ATP2A3: variants seen among roughly 807,000 people sequenced by gnomAD.
The protein encoded by ATP2A3 is sarcoplasmic/endoplasmic reticulum calcium ATPase 3.
A neutral mutation model predicts 106.8 loss-of-function variants in ATP2A3; 61 were observed. The observed-to-expected ratio is 0.57, with a 90% CI of 0.46 to 0.71. ATP2A3 has a LOEUF of 0.71. Ranked by LOEUF, ATP2A3 falls within the 30% of genes least tolerant of loss-of-function variation. The pLI is 0.00. For missense variants in ATP2A3, 1,201 were observed against 1,423.5 expected (o/e 0.84, Z 2.52); for synonymous variants, 611 against 609.3 (o/e 1.00, Z -0.04).
intron 5 of ATP2A3, 48 bp from the exon 6 acceptor site, chr17:3,950,821 G>A: frequency 6.3e-7 from 1 of 1,574,932 alleles, no homozygotes; most frequent in South Asian, 1.1e-5. Flanking sequence ...GGCACCACCA[G>A]CTGGGAAAAG....
At position 3,925,586 on chromosome 17, in the gene ATP2A3, C is replaced by T. The variant is rs1384133637; in HGVS notation, c.2981-145G>A. 11 of 1,018,912 alleles carry T rather than the reference C, an allele frequency of 1.1e-5. No homozygotes were observed. 63.1% of individuals were successfully genotyped at this position (1,018,912 alleles called of 1,614,324 possible). ...TCCCTTAGTCCAGACCTCAGTCTACCCCAGCCCCACCGGACCCCCCAAGCT... is the reference window on the plus strand; with the variant it reads ...TCCCTTAGTCCAGACCTCAGTCTACTCCAGCCCCACCGGACCCCCCAAGCT... On this transcript the variant is annotated intron_variant, in intron 20 of 20. Transcript: ENST00000397041. The surrounding 1 kb of genome is among the most constrained non-coding windows in gnomAD (Gnocchi z 4.2).
intron 10 of ATP2A3, 148 bp from the exon 11 acceptor site, chr17:3,943,670 G>T: frequency 7.7e-7 from 1 of 1,298,722 alleles, no homozygotes; most frequent in Non-Finnish European, 1.1e-6. Context: ...TCCCAGCCTG[G>T]CCGCCCTGGG....
chr17:3,957,997 G>A (rs1366254317), intron 1 of ATP2A3, among the ~76,000 whole-genome samples: 1 of 152,200 alleles, frequency 6.6e-6, no homozygotes, highest in Non-Finnish European at 1.5e-5. Flanking sequence ...CTGTGTTCAC[G>A]GAGGCCCAGC....
intron 17 of ATP2A3, among the ~76,000 whole-genome samples, chr17:3,934,019 G>T (rs2053277973): frequency 6.6e-6 from 1 of 151,028 alleles, no homozygotes; most frequent in Admixed American, 6.6e-5. Flanking sequence ...CGCCTCTCGG[G>T]TTCAAGCGAT....
rs952566179 is a variant in ATP2A3 at position 3,925,315 on chromosome 17, C to T, written c.*107G>A. 57 of 1,593,730 alleles carry T rather than the reference C, an allele frequency of 3.6e-5. No homozygotes were observed. The highest frequency in any genetic ancestry group is 2.7e-4 in the Admixed American group (16 of 58,828). ...GGCCTGTCATTTATCCGGCGGGACC[C>T]GGTGGGCAAGTGGGCGAGTGTGGTG... is the stretch of plus-strand genomic sequence containing the variant. On this transcript the variant is annotated 3_prime_UTR_variant, in exon 21 of 21. Coordinates refer to ENST00000397041, the MANE Select transcript of ATP2A3 (RefSeq NM_005173.4). The surrounding 1 kb of genome is among the most constrained non-coding windows in gnomAD (Gnocchi z 4.2).
At chr17:3,943,576 T>A in intron 10 of ATP2A3, 54 bp from the exon 11 acceptor site, 2 of 1,609,926 alleles carry the variant, frequency 1.2e-6, no homozygotes, top group African/African-American at 1.3e-5. Context: ...CCAGCCCGCA[T>A]CCCCAGCCTC....
chr17:3,943,256 A>G, intron 11 of ATP2A3, 135 bp downstream of exon 11: 2 of 1,384,528 alleles, frequency 1.4e-6, no homozygotes, highest in Non-Finnish European at 2.0e-6. Context: ...TGGGCGACAG[A>G]ATGAGACTCC....
At chr17:3,933,701 A>G (rs2053253882) in intron 17 of ATP2A3, among the ~76,000 whole-genome samples, 1 of 150,990 alleles carries the variant, frequency 6.6e-6, no homozygotes, top group Admixed American at 6.6e-5. Context: ...GCACCACTGC[A>G]CTCCAGCCTG....
intron 8 of ATP2A3, among the ~76,000 whole-genome samples, chr17:3,946,654 C>G (rs1330706194): frequency 1.3e-5 from 2 of 152,202 alleles, no homozygotes; most frequent in African/African-American, 4.8e-5. Context: ...GCACCCCTCC[C>G]CTAAAGCAGC....
In ATP2A3 at chr17:3,936,724, A is replaced by ACACG; in HGVS notation, c.2322-256_2322-255insCGTG. The ACACG allele has an allele frequency of 7.7e-6, 1 of 129,446 alleles. No individual in the cohort carries two copies. Among genetic ancestry groups the ACACG allele is most frequent in the Non-Finnish European group, 1.4e-5 (1 of 72,894 alleles). The allele number at this position is 129,446 out of a possible 1,614,324, so 8.0% of individuals were successfully genotyped here. ...TTTAGGCCTAGCAGAGGCCAAGTAC[A>ACACG]CACACACACACACACACACACACAC... On this transcript the variant is annotated intron_variant, in intron 15 of 20. Coordinates refer to ENST00000397041, the MANE Select transcript of ATP2A3 (RefSeq NM_005173.4). This position sits in a 1 kb window ranked among gnomAD's most constrained non-coding sequence, Gnocchi z 5.4.
At chr17:3,927,834 G>A in intron 20 of ATP2A3, 1 of 1,536,446 alleles carries the variant, frequency 6.5e-7, no homozygotes, top group Non-Finnish European at 8.7e-7. Context: ...CACTCCCCTG[G>A]GGCACATTCC....
In ATP2A3 at chr17:3,929,529, A is replaced by G. The variant is rs2052926438; in HGVS notation, c.2745-84T>C. 1.7e-6 allele frequency: 2 copies of G among 1,189,992 alleles called. No individual in the cohort carries two copies. Among genetic ancestry groups the G allele is most frequent in the Non-Finnish European group, 2.4e-6 (2 of 829,708 alleles). 73.7% of individuals were successfully genotyped at this position (1,189,992 alleles called of 1,614,324 possible). On this transcript the variant is annotated intron_variant, in intron 18 of 20. Coordinates refer to ENST00000397041, the MANE Select transcript of ATP2A3 (RefSeq NM_005173.4). This position sits in a 1 kb window ranked among gnomAD's most constrained non-coding sequence, Gnocchi z 4.3. Reference sequence around the variant, plus strand: ...CCACCCCCATGGGAGGAGCCTCACCACTTCTCTAGCGGTGCATTGCTGTTG... The same window carrying G: ...CCACCCCCATGGGAGGAGCCTCACCGCTTCTCTAGCGGTGCATTGCTGTTG...
At position 3,953,818 on chromosome 17, in the gene ATP2A3, C is replaced by A; in HGVS notation, c.119-108G>T. 8.2e-7 allele frequency: 1 copy of A among 1,219,580 alleles called. No homozygotes were observed. The highest frequency in any genetic ancestry group is 2.5e-5 in the East Asian group (1 of 39,368). 75.5% of individuals were successfully genotyped at this position (1,219,580 alleles called of 1,614,324 possible). A position where few individuals can be genotyped will look rare whatever the true frequency, so the allele number is the denominator to read the frequency against. On this transcript the variant is annotated intron_variant, in intron 1 of 20. Coordinates refer to ENST00000397041, the MANE Select transcript of ATP2A3 (RefSeq NM_005173.4). The surrounding 1 kb of genome is among the most constrained non-coding windows in gnomAD (Gnocchi z 5.1). ...TGCCTCCCCACCGTGCCCGCCCAGA[C>A]CCCCACCACGGACTGGATGTATCCC...
chr17:3,938,977 G>C (rs947942701), intron 14 of ATP2A3, among the ~76,000 whole-genome samples: 1 of 152,104 alleles, frequency 6.6e-6, no homozygotes, highest in African/African-American at 2.4e-5. Flanking sequence ...GACTAGCCTG[G>C]GCAACATAGG....
chr17:3,924,784 C>G lies in ATP2A3; in HGVS notation c.*638G>C, dbSNP rs1250536384. 6.6e-6 allele frequency: 3 copies of G among 456,682 alleles called. No individual in the cohort carries two copies. The Admixed American group carries it at 7.0e-5, about 11-fold the overall frequency. The allele number at this position is 456,682 out of a possible 1,614,324, so 28.3% of individuals were successfully genotyped here. On this transcript the variant is annotated 3_prime_UTR_variant, in exon 21 of 21. Transcript: ENST00000397041. This position sits in a 1 kb window ranked among gnomAD's most constrained non-coding sequence, Gnocchi z 6.4. ...GGCTCCTTGTGTCCGTCTCTCTGAC[C>G]CTTCACCCGCCCGGGCCCTGCACAT...
intron 8 of ATP2A3, among the ~76,000 whole-genome samples, chr17:3,945,915 C>T (rs573268446): frequency 4.6e-5 from 7 of 152,208 alleles, no homozygotes; most frequent in Non-Finnish European, 7.3e-5. Context: ...GCATCCAGCA[C>T]GTAAGGCCCC....
At chr17:3,937,189 C>A in intron 15 of ATP2A3, 1 of 587,238 alleles carries the variant, frequency 1.7e-6, no homozygotes, top group Non-Finnish European at 3.0e-6. Flanking sequence ...CTTCAGGCAC[C>A]TCCGTGGGTG....
chr17:3,953,730 A>G lies in ATP2A3; in HGVS notation c.119-20T>C, dbSNP rs1400768860. On this transcript the variant is annotated intron_variant, in intron 1 of 20. Transcript: ENST00000397041. This position sits in a 1 kb window ranked among gnomAD's most constrained non-coding sequence, Gnocchi z 5.1. ...GGAGCTCTGCAGGATCCAGGCAGCCACGGGAGCCATGAGGAGACAAGAGAG... is the reference window on the plus strand; with the variant it reads ...GGAGCTCTGCAGGATCCAGGCAGCCGCGGGAGCCATGAGGAGACAAGAGAG... 4.5e-6 allele frequency: 7 copies of G among 1,568,908 alleles called. No homozygotes were observed. The highest frequency in any genetic ancestry group is 2.4e-5 in the East Asian group (1 of 42,430).
chr17:3,937,695 C>G, intron 14 of ATP2A3, 59 bp from the exon 15 acceptor site: 1 of 1,539,482 alleles, frequency 6.5e-7, no homozygotes, highest in South Asian at 1.1e-5. Flanking sequence ...CTCCCCATCT[C>G]TTCTCAACTC....
Sources: allele counts gnomAD v4.1 joint callset (sites outside exome capture counted in the v4.1 genomes callset), GRCh38; gene constraint gnomAD v4.1.1; non-coding constraint Gnocchi (gnomAD v3.1); transcripts MANE v1.5; gene names NCBI Gene and HGNC (gene_info 2026-07-23, HGNC 2026-07-21).